APLP2: variants seen among roughly 807,000 people sequenced by gnomAD.
APLP2 encodes CDEI box-binding protein.
APLP2 carries 53 observed loss-of-function variants against 89.9 expected under a neutral mutation model. That is an observed-to-expected ratio of 0.59 (90% CI 0.47 to 0.74). The LOEUF (loss-of-function observed/expected upper bound fraction) is 0.74, where lower values mean the gene tolerates loss of function less well. Ranked by LOEUF, APLP2 falls within the 30% of genes least tolerant of loss-of-function variation. The pLI, the probability that APLP2 is intolerant of heterozygous loss-of-function variation, is 0.00. For missense variants in APLP2, 973 were observed against 975.9 expected (o/e 1.00, Z 0.04); for synonymous variants, 372 against 348.6 (o/e 1.07, Z -0.75).
chr11:130,079,079 TTTTTTTTA>T (rs1392305594), intron 1 of APLP2, among the ~76,000 whole-genome samples: 24 of 102,004 alleles, frequency 2.4e-4, no homozygotes, highest in East Asian at 2.0e-3. Flanking sequence ...ATGACATGTA[TTTTTTTTA>T]TTTATTTATT....
At chr11:130,112,669 C>T (rs1006328635) in intron 3 of APLP2, among the ~76,000 whole-genome samples, 2 of 152,158 alleles carry the variant, frequency 1.3e-5, no homozygotes, top group African/African-American at 4.8e-5. Flanking sequence ...CAGTTCTTGT[C>T]TGGGCCGAGA....
intron 1 of APLP2, among the ~76,000 whole-genome samples, chr11:130,078,259 C>T (rs879593699): frequency 5.3e-5 from 8 of 151,654 alleles, no homozygotes; most frequent in South Asian, 2.1e-4. Flanking sequence ...TTGACAGCCA[C>T]GTGTATTGAG....
rs146668481 is a variant in APLP2, at chr11:130,128,842, C to G, written c.1297-206C>G. Among the ~76,000 whole-genome samples, 362 of 152,308 alleles carry G rather than the reference C, an allele frequency of 2.4e-3. 19 individuals carry two copies. In the South Asian group the frequency reaches 0.07, roughly 30 times the overall value. Reference sequence around the variant, plus strand: ...CTTTGACACTGAGGTTTAACTTGCTCTCTTTAAAGAAGGAAGTAATTCTCC... The same window carrying G: ...CTTTGACACTGAGGTTTAACTTGCTGTCTTTAAAGAAGGAAGTAATTCTCC... On this transcript the variant is annotated intron_variant, in intron 9 of 16. Transcript: ENST00000338167.
intron 1 of APLP2, among the ~76,000 whole-genome samples, chr11:130,095,497 C>T (rs529190040): frequency 6.6e-6 from 1 of 152,158 alleles, no homozygotes; most frequent in East Asian, 1.9e-4. Flanking sequence ...TGAAAAGATA[C>T]AGAAATAAAA....
chr11:130,141,655 C>CG lies in APLP2; in HGVS notation c.1998+86dup. The CG allele has an allele frequency of 8.0e-7, 1 of 1,257,736 alleles. No homozygotes were observed. Among genetic ancestry groups the CG allele is most frequent in the Non-Finnish European group, 1.1e-6 (1 of 871,650 alleles). 77.9% of individuals were successfully genotyped at this position (1,257,736 alleles called of 1,614,324 possible). On this transcript the variant is annotated intron_variant, in intron 15 of 16. Coordinates refer to ENST00000338167, the MANE Select transcript of APLP2 (RefSeq NM_001142276.2). The surrounding 1 kb of genome is among the most constrained non-coding windows in gnomAD (Gnocchi z 4.2). ...GGACCTTCTCAGTTCAAGTAGAAAA[C>CG]GGGAGAGATGCCTGAGCTAATAAGG...
intron 5 of APLP2, among the ~76,000 whole-genome samples, 189 bp downstream of exon 5, chr11:130,121,999 A>C (rs184532542): frequency 1.6e-3 from 249 of 152,218 alleles, no homozygotes; most frequent in Admixed American, 2.5e-3. Flanking sequence ...TTTTGTGTTT[A>C]CATCATTCTG....
chr11:130,125,760 T>TTTCAGAG (rs1950304723), intron 7 of APLP2, among the ~76,000 whole-genome samples: 1 of 152,224 alleles, frequency 6.6e-6, no homozygotes, highest in Non-Finnish European at 1.5e-5. Context: ...TGTGTCATAA[T>TTTCAGAG]CTATCAAGCA....
rs1395779725 is a variant in APLP2, at chr11:130,142,153, T to TG, written c.2154+79_2154+80insG. On this transcript the variant is annotated intron_variant, in intron 16 of 16. Transcript: ENST00000338167. The stretch of plus-strand genomic sequence containing the variant: ...TGGGAACCTGTGGAATTAATAGGCA[T>TG]CTTCACTCCTCGAGTACTGGACATG... 54 of 1,414,470 alleles carry TG rather than the reference T, an allele frequency of 3.8e-5. No individual in the cohort carries two copies. The Admixed American group carries it at 1.2e-3, about 30-fold the overall frequency. 87.6% of individuals were successfully genotyped at this position (1,414,470 alleles called of 1,614,324 possible). A position where few individuals can be genotyped will look rare whatever the true frequency, so the allele number is the denominator to read the frequency against.
intron 1 of APLP2, among the ~76,000 whole-genome samples, 197 bp downstream of exon 1, chr11:130,070,279 C>T (rs1565540641): frequency 6.6e-6 from 1 of 151,194 alleles, no homozygotes; most frequent in Non-Finnish European, 1.5e-5. Flanking sequence ...CGGGCTGCCT[C>T]AGCCGCCGCA....
chr11:130,083,696 G>T (rs921744391), intron 1 of APLP2, among the ~76,000 whole-genome samples: 1 of 151,940 alleles, frequency 6.6e-6, no homozygotes, highest in Non-Finnish European at 1.5e-5. Context: ...TCCATTTTAT[G>T]TATATATCAT....
chr11:130,102,182 A>G (rs2135701896), intron 1 of APLP2, among the ~76,000 whole-genome samples: 1 of 152,344 alleles, frequency 6.6e-6, no homozygotes, highest in Non-Finnish European at 1.5e-5. Context: ...TGAACCTTGA[A>G]GTACTTCAGC....
intron 13 of APLP2, chr11:130,137,202 T>A: frequency 6.6e-7 from 1 of 1,520,116 alleles, no homozygotes; most frequent in Non-Finnish European, 9.1e-7. Flanking sequence ...TTTTCTTTTT[T>A]AATCTCCTTT....
At chr11:130,070,271 G>A (rs1940658933) in intron 1 of APLP2, among the ~76,000 whole-genome samples, 189 bp downstream of exon 1, 1 of 151,176 alleles carries the variant, frequency 6.6e-6, no homozygotes, top group African/African-American at 2.4e-5. Flanking sequence ...CTGGAGGTCG[G>A]GCTGCCTCAG....
chr11:130,089,043 C>T (rs1478692152), intron 1 of APLP2, among the ~76,000 whole-genome samples: 2 of 152,154 alleles, frequency 1.3e-5, no homozygotes, highest in African/African-American at 4.8e-5. Flanking sequence ...TTATCAGTCT[C>T]CAATCCTCAG....
In APLP2 at chr11:130,120,689, A is replaced by G. The variant is rs771097448; in HGVS notation, c.404-17A>G. On this transcript the variant is annotated splice_polypyrimidine_tract_variant and intron_variant, in intron 3 of 16. Transcript: ENST00000338167. ...AATCATGGTCAGATCCGCTCTGACA[A>G]AGATTCTCTTTTCCAGTGGGTGAAT... The G allele has an allele frequency of 6.3e-7, 1 of 1,592,554 alleles. No individual in the cohort carries two copies. Among genetic ancestry groups the G allele is most frequent in the Non-Finnish European group, 8.6e-7 (1 of 1,160,422 alleles).
intron 1 of APLP2, chr11:130,100,266 TCAGTAGTA>T (rs1386044777): frequency 1.3e-5 from 2 of 152,080 alleles, no homozygotes; most frequent in African/African-American, 4.8e-5. Context: ...TTCTCCCAGG[TCAGTAGTA>T]CAGTGAGTAG....
At chr11:130,142,967 C>A (rs1952603073) in intron 16 of APLP2, among the ~76,000 whole-genome samples, 1 of 152,172 alleles carries the variant, frequency 6.6e-6, no homozygotes, top group South Asian at 2.1e-4. Flanking sequence ...AATTTCAGAA[C>A]TGAAAAAGAC....
intron 13 of APLP2, among the ~76,000 whole-genome samples, chr11:130,136,783 A>G (rs1484696206): frequency 6.6e-6 from 1 of 152,168 alleles, no homozygotes; most frequent in Non-Finnish European, 1.5e-5. Flanking sequence ...GGGGTGGTAG[A>G]TGAAGAGGCA....
At chr11:130,143,218 C>G in intron 16 of APLP2, 129 bp from the exon 17 acceptor site, 1 of 788,804 alleles carries the variant, frequency 1.3e-6, no homozygotes. Context: ...TTTGGCCTGT[C>G]CGGTGGGAAC....
Sources: allele counts gnomAD v4.1 joint callset (sites outside exome capture counted in the v4.1 genomes callset), GRCh38; gene constraint gnomAD v4.1.1; non-coding constraint Gnocchi (gnomAD v3.1); transcripts MANE v1.5; gene names NCBI Gene and HGNC (gene_info 2026-07-23, HGNC 2026-07-21).